Variants in ZNF518A observed in about 807,000 individuals in gnomAD.
ZNF518A encodes zinc finger protein 518.
In ZNF518A, 47 loss-of-function variants were observed where a neutral mutation model predicts 102.7. The observed-to-expected ratio is 0.46, with a 90% CI of 0.36 to 0.58. The LOEUF (loss-of-function observed/expected upper bound fraction) is 0.58, where lower values mean the gene tolerates loss of function less well. Ranked by LOEUF, ZNF518A falls within the 20% of genes least tolerant of loss-of-function variation. The pLI is 0.00. For synonymous variants in ZNF518A, 652 were observed against 594.6 expected (o/e 1.10, Z -1.40); for missense variants, 1,793 against 1,699.8 (o/e 1.05, Z -0.96).
intron 1 of ZNF518A, among the ~76,000 whole-genome samples, chr10:96,178,263 C>T (rs1319897387): frequency 2.0e-5 from 3 of 152,012 alleles, no homozygotes; most frequent in Non-Finnish European, 2.9e-5. Context: ...TATGTTATAT[C>T]CTTAACAGAA....
chr10:96,152,323 TA>T (rs1554880638), intron 3 of ZNF518A, among the ~76,000 whole-genome samples: 7 of 152,042 alleles, frequency 4.6e-5, no homozygotes, highest in Non-Finnish European at 1.0e-4. Context: ...AATAAATAAG[TA>T]AAACCAGCAA....
intron 3 of ZNF518A, among the ~76,000 whole-genome samples, chr10:96,152,406 T>A (rs782790463): frequency 6.6e-6 from 1 of 152,236 alleles, no homozygotes; most frequent in Non-Finnish European, 1.5e-5. Flanking sequence ...ATTACAATTG[T>A]AATAAAATTT....
In ZNF518A at chr10:96,156,367, T is replaced by G; in HGVS notation, c.45T>G (p.Thr15=). The G allele has an allele frequency of 6.3e-7, 1 of 1,590,088 alleles. No individual in the cohort carries two copies. Among genetic ancestry groups the G allele is most frequent in the Non-Finnish European group, 8.5e-7 (1 of 1,173,152 alleles). Residue 15 remains threonine (T), a synonymous_variant, in exon 6 of 6, where the codon ACT becomes ACG. Transcript: ENST00000316045. ...AGTTATTTTGTGATGAAAAACAAAC[T>G]ACTTTAAAAAAAGATTATGATGTGA... The part of the protein sequence containing the change: ...QKQLFCDEKQ[T]TLKKDYDVKN...
intron 3 of ZNF518A, among the ~76,000 whole-genome samples, chr10:96,146,549 T>C (rs1415809872): frequency 1.3e-5 from 2 of 152,260 alleles, no homozygotes; most frequent in Admixed American, 6.5e-5. Flanking sequence ...TTTTCACTTA[T>C]ATTCCTCTGT....
rs1404003771 is a variant in ZNF518A at position 96,162,140 on chromosome 10, T to G, written c.*1366T>G. 6.0e-6 allele frequency: 1 copy of G among 166,954 alleles called. No homozygotes were observed. The highest frequency in any genetic ancestry group is 1.5e-5 in the Non-Finnish European group (1 of 68,036). 10.3% of individuals were successfully genotyped at this position (166,954 alleles called of 1,614,324 possible). ...TGGATGAAAACTTCAGGGCTTCTTT[T>G]CTGTATATAACAAATTAAGTCTGTA... On this transcript the variant is annotated 3_prime_UTR_variant, in exon 6 of 6. Transcript: ENST00000316045.
At chr10:96,204,654 A>G (rs1554897017), downstream of ZNF518A, 1 of 1,601,880 alleles carries the variant, frequency 6.2e-7, no homozygotes, top group Non-Finnish European at 8.6e-7. Flanking sequence ...ATTAGAGTGA[A>G]ATGTCTGTCC....
chr10:96,187,432 G>A (rs1554892710), intron 1 of ZNF518A, among the ~76,000 whole-genome samples: 2 of 152,196 alleles, frequency 1.3e-5, no homozygotes, highest in African/African-American at 4.8e-5. Flanking sequence ...AGGTAGTGCT[G>A]GTTTTGCCTC....
chr10:96,182,038 G>C (rs2083243315), intron 1 of ZNF518A, among the ~76,000 whole-genome samples: 1 of 152,116 alleles, frequency 6.6e-6, no homozygotes, highest in Non-Finnish European at 1.5e-5. Context: ...AGTTCTCCTT[G>C]AAGAGGTCCT....
At chr10:96,168,392 T>G (rs2083155038), downstream of ZNF518A, among the ~76,000 whole-genome samples, 1 of 152,102 alleles carries the variant, frequency 6.6e-6, no homozygotes, top group African/African-American at 2.4e-5. Flanking sequence ...AAAAATACAT[T>G]GTCTTATGTT....
chr10:96,194,470 C>T (rs2083408162), intron 1 of ZNF518A, among the ~76,000 whole-genome samples: 1 of 152,006 alleles, frequency 6.6e-6, no homozygotes. Context: ...ACATTAAAAG[C>T]ATAGGCAAAA....
At position 96,159,046 on chromosome 10, in the gene ZNF518A, C is replaced by T. The variant is rs781809295; in HGVS notation, c.2724C>T (p.Thr908=). ...TTGTAAAAGACAAACTACGAGCCAC[C>T]ACACAAAATTTAGGTTCTTTTTATA... The part of the protein sequence containing the change: ...QQLVKDKLRA[T]TQNLGSFYMQ... Residue 908 remains threonine, a synonymous_variant, in exon 6 of 6, where the codon ACC becomes ACT. Transcript: ENST00000316045. 2 of 1,613,540 alleles carry T rather than the reference C, an allele frequency of 1.2e-6. No homozygotes were observed. The highest frequency in any genetic ancestry group is 1.1e-5 in the South Asian group (1 of 91,050).
intron 3 of ZNF518A, among the ~76,000 whole-genome samples, chr10:96,154,019 A>G (rs782759834): frequency 8.5e-5 from 13 of 152,154 alleles, no homozygotes; most frequent in Non-Finnish European, 1.8e-4. Flanking sequence ...TTGATTTCCT[A>G]CCTCTTCATA....
intron 1 of ZNF518A, among the ~76,000 whole-genome samples, chr10:96,179,424 A>G (rs1360780228): frequency 6.6e-6 from 1 of 152,210 alleles, no homozygotes; most frequent in African/African-American, 2.4e-5. Context: ...CCACAATAAG[A>G]TACTACTACA....
intron 1 of ZNF518A, among the ~76,000 whole-genome samples, chr10:96,170,140 CCTT>C (rs1554890748): frequency 2.0e-5 from 3 of 152,180 alleles, no homozygotes. Flanking sequence ...ATGAGTGTGA[CCTT>C]CTAGATTCTC....
downstream of ZNF518A, among the ~76,000 whole-genome samples, chr10:96,165,495 A>C (rs2083130671): frequency 6.7e-6 from 1 of 149,810 alleles, no homozygotes; most frequent in Non-Finnish European, 1.5e-5. Flanking sequence ...AAAAACAGAC[A>C]CCAAACCAAA....
chr10:96,189,536 T>C, intron 1 of ZNF518A: 1 of 654,548 alleles, frequency 1.5e-6, no homozygotes, highest in Non-Finnish European at 2.8e-6. Context: ...CTTTTGGTGT[T>C]TTACGAGTTT....
intron 1 of ZNF518A, among the ~76,000 whole-genome samples, chr10:96,174,647 G>C (rs1385548747): frequency 6.6e-6 from 1 of 152,096 alleles, no homozygotes; most frequent in African/African-American, 2.4e-5. Context: ...CCTATGACGA[G>C]TAAGGTATTG....
downstream of ZNF518A, chr10:96,204,522 G>A: frequency 6.2e-7 from 1 of 1,613,484 alleles, no homozygotes; most frequent in Non-Finnish European, 8.5e-7. Context: ...TTAAAGGAAA[G>A]GATTCTTACT....
In ZNF518A at chr10:96,157,298, A is replaced by G. The variant is rs930647836; in HGVS notation, c.976A>G (p.Thr326Ala). The G allele has an allele frequency of 5.6e-6, 9 of 1,612,238 alleles. No homozygotes were observed. Among genetic ancestry groups the G allele is most frequent in the Non-Finnish European group, 7.6e-6 (9 of 1,179,064 alleles). ...KRYKIGASRK[T>A]FWKRKKINSG... is the part of the protein sequence containing the mutation. ...ATATAAAATAGGTGCATCAAGGAAGACGTTCTGGAAACGTAAGAAAATTAA... is the reference window on the plus strand; with the variant it reads ...ATATAAAATAGGTGCATCAAGGAAGGCGTTCTGGAAACGTAAGAAAATTAA... The change falls in exon 6 of 6, where the codon ACG (threonine) becomes GCG (alanine). Residue 326 changes from threonine (T) to alanine (A), a missense_variant. Transcript: ENST00000316045.
Sources: gnomAD v4.1 joint callset for allele counts (sites outside exome capture counted in the v4.1 genomes callset) on GRCh38, gnomAD v4.1.1 for gene constraint, MANE v1.5 for transcripts, NCBI Gene and HGNC (gene_info 2026-07-23, HGNC 2026-07-21) for gene names.